Variants in PPA2 observed in about 807,000 individuals in gnomAD.
PPA2 encodes inorganic pyrophosphatase 2.
A neutral mutation model predicts 49.5 loss-of-function variants in PPA2; 48 were observed. The ratio of observed to expected loss-of-function variants is 0.97; its 90% CI spans 0.77 to 1.23. The LOEUF (loss-of-function observed/expected upper bound fraction) is 1.23. Ranked by LOEUF, PPA2 falls within the 50% of genes most tolerant of loss-of-function variation. The probability of loss-of-function intolerance (pLI) is 0.00; values close to 1 mark genes in which losing one functional copy is unlikely to be tolerated. For synonymous variants in PPA2, 131 were observed against 139.9 expected (o/e 0.94, Z 0.45); for missense variants, 429 against 410.1 (o/e 1.05, Z -0.40).
intron 7 of PPA2, chr4:105,407,181 G>C (rs985806973): frequency 2.0e-5 from 3 of 151,956 alleles, no homozygotes; most frequent in Non-Finnish European, 4.4e-5. Flanking sequence ...ATGACACCAG[G>C]TGGAAACTAA....
chr4:105,396,258 G>T lies in PPA2; in HGVS notation c.860C>A (p.Ala287Asp). ...AAAGACAAATTCTTACCAATTTATA[G>T]CTCCTCCATTACACTTCTTCATAAG... ...ALLMKKCNGG[A>D]INCTNVQISD... Residue 287 changes from alanine to aspartate, a missense_variant, in exon 9 of 12, where the codon GCT becomes GAT. Transcript: ENST00000341695. 1 of 1,569,866 alleles carries T rather than the reference G, an allele frequency of 6.4e-7. No homozygotes were observed. Among genetic ancestry groups the T allele is most frequent in the Non-Finnish European group, 8.7e-7 (1 of 1,154,228 alleles).
intron 9 of PPA2, among the ~76,000 whole-genome samples, 157 bp from the exon 10 acceptor site, chr4:105,386,793 T>C (rs1436053715): frequency 6.6e-6 from 1 of 152,188 alleles, no homozygotes; most frequent in Non-Finnish European, 1.5e-5. Flanking sequence ...TGAAAATTAT[T>C]GTATATTCTT....
intron 6 of PPA2, among the ~76,000 whole-genome samples, chr4:105,426,397 G>A (rs1306932318): frequency 1.3e-5 from 2 of 152,210 alleles, no homozygotes; most frequent in African/African-American, 4.8e-5. Context: ...CACCCAGGAA[G>A]CGCCAGGGGT....
intron 5 of PPA2, among the ~76,000 whole-genome samples, chr4:105,441,169 A>C (rs975736882): frequency 2.0e-5 from 3 of 152,236 alleles, no homozygotes; most frequent in African/African-American, 7.2e-5. Flanking sequence ...AATATCAAGA[A>C]GCAGAAGTTC....
At chr4:105,394,195 C>G (rs893207054) in intron 9 of PPA2, among the ~76,000 whole-genome samples, 4 of 151,784 alleles carry the variant, frequency 2.6e-5, no homozygotes, top group Non-Finnish European at 4.4e-5. Flanking sequence ...GGTAAAACTC[C>G]GTCTCTACTA....
At chr4:105,376,739 A>G (rs1233068020) in intron 10 of PPA2, among the ~76,000 whole-genome samples, 1 of 152,130 alleles carries the variant, frequency 6.6e-6, no homozygotes, top group African/African-American at 2.4e-5. Flanking sequence ...AGATTGTAAG[A>G]GTTTTAAATC....
intron 8 of PPA2, among the ~76,000 whole-genome samples, chr4:105,397,128 C>T (rs536235799): frequency 2.8e-4 from 43 of 152,216 alleles, no homozygotes; most frequent in Middle Eastern, 3.4e-3. Context: ...TGTTTGTTTT[C>T]CTTAAGGAGA....
chr4:105,389,934 A>T (rs1303125570), intron 9 of PPA2, among the ~76,000 whole-genome samples: 1 of 152,216 alleles, frequency 6.6e-6, no homozygotes, highest in Non-Finnish European at 1.5e-5. Flanking sequence ...GAGGCTATCA[A>T]TACATAAAAA....
At chr4:105,381,949 GT>G (rs1733505765) in intron 10 of PPA2, among the ~76,000 whole-genome samples, 1 of 151,998 alleles carries the variant, frequency 6.6e-6, no homozygotes, top group African/African-American at 2.4e-5. Context: ...TTGAGAAGTT[GT>G]TGAGAAGATT....
At chr4:105,377,072 C>T (rs1733283844) in intron 10 of PPA2, among the ~76,000 whole-genome samples, 1 of 152,188 alleles carries the variant, frequency 6.6e-6, no homozygotes, top group Non-Finnish European at 1.5e-5. Context: ...TTCCCCTCCA[C>T]TTGTTCCACC....
At chr4:105,372,111 C>A (rs1217141687) in intron 10 of PPA2, among the ~76,000 whole-genome samples, 1 of 152,136 alleles carries the variant, frequency 6.6e-6, no homozygotes, top group Non-Finnish European at 1.5e-5. Flanking sequence ...CTACACAGGC[C>A]CCAGAAACAG....
chr4:105,462,907 G>A (rs1723152974), intron 1 of PPA2, among the ~76,000 whole-genome samples: 1 of 152,216 alleles, frequency 6.6e-6, no homozygotes, highest in African/African-American at 2.4e-5. Context: ...CCCTACCCAT[G>A]TAAAACTGTA....
At chr4:105,372,164 C>A (rs1462855150) in intron 10 of PPA2, among the ~76,000 whole-genome samples, 1 of 152,170 alleles carries the variant, frequency 6.6e-6, no homozygotes, top group Non-Finnish European at 1.5e-5. Flanking sequence ...TCCTGGGTAG[C>A]CAGGATGTGG....
chr4:105,448,005 C>T (rs936579647), intron 4 of PPA2: 4 of 304,360 alleles, frequency 1.3e-5, no homozygotes, highest in Admixed American at 8.6e-5. Flanking sequence ...CTTGGTTTCT[C>T]AATGGGCTGG....
intron 1 of PPA2, among the ~76,000 whole-genome samples, chr4:105,460,339 C>T (rs1365206013): frequency 6.6e-6 from 1 of 151,696 alleles, no homozygotes; most frequent in Non-Finnish European, 1.5e-5. Flanking sequence ...CTCCCCCACC[C>T]ATAAGGGAAA....
Position 105,457,633 on chromosome 4 carries a change from G to C in PPA2, c.158-888C>G, listed in dbSNP as rs1258473018. Among the ~76,000 whole-genome samples the C allele has an allele frequency of 2.0e-5, 3 of 152,124 alleles. No individual in the cohort carries two copies. The East Asian group carries it at 5.8e-4, about 29-fold the overall frequency. On this transcript the variant is annotated intron_variant, in intron 1 of 11. Transcript: ENST00000341695. Reference sequence around the variant, plus strand: ...TTGAGACAGGGTCTGGAATGCAGTGGCATGATCATGGCTCACTGCAGCCTC... The same window carrying C: ...TTGAGACAGGGTCTGGAATGCAGTGCCATGATCATGGCTCACTGCAGCCTC...
chr4:105,458,880 A>G (rs1722973404), intron 1 of PPA2, among the ~76,000 whole-genome samples: 1 of 146,122 alleles, frequency 6.8e-6, no homozygotes, highest in Admixed American at 7.0e-5. Context: ...GTTAATTCCC[A>G]CCAATATTTT....
rs1288343049 is a variant in PPA2 at position 105,399,151 on chromosome 4, A to T, written c.669T>A (p.Val223=). 1 of 1,597,934 alleles carries T rather than the reference A, an allele frequency of 6.3e-7. No homozygotes were observed. The highest frequency in any genetic ancestry group is 1.4e-5 in the African/African-American group (1 of 73,826). Residue 223 remains valine, a synonymous_variant, in exon 8 of 12, where the codon GTT becomes GTA. Transcript: ENST00000341695. ...CCAGGTAACCCGGTTTGAACTTCTT[A>T]ACATCATCAATATCTGTAAAGAAAA... ...EASKFHDIDD[V]KKFKPGYLEA...
chr4:105,462,334 A>C (rs1464932715), intron 1 of PPA2, among the ~76,000 whole-genome samples: 1 of 152,232 alleles, frequency 6.6e-6, no homozygotes, highest in Non-Finnish European at 1.5e-5. Context: ...TTGTTTCTTA[A>C]CAGTTGAAAA....
Sources: allele counts gnomAD v4.1 joint callset (sites outside exome capture counted in the v4.1 genomes callset), GRCh38; gene constraint gnomAD v4.1.1; transcripts MANE v1.5; gene names NCBI Gene and HGNC (gene_info 2026-07-23, HGNC 2026-07-21).